Variants in MGAM2 observed in about 807,000 individuals in gnomAD.
MGAM2 encodes probable maltase-glucoamylase 2.
MGAM2 carries 98 observed loss-of-function variants against 96.1 expected under a neutral mutation model. The ratio of observed to expected loss-of-function variants is 1.02; its 90% confidence interval spans 0.87 to 1.21. The LOEUF is 1.21. MGAM2 is among the 50% of genes most tolerant of loss of function. MGAM2 has a pLI of 0.00. For missense variants in MGAM2, 2,055 were observed against 1,182.4 expected (o/e 1.74, Z -10.82); for synonymous variants, 749 against 414.8 (o/e 1.81, Z -9.79).
chr7:142,119,676 A>C (rs1794499863), intron 2 of MGAM2, among the ~76,000 whole-genome samples: 1 of 152,210 alleles, frequency 6.6e-6, no homozygotes, highest in South Asian at 2.1e-4. Context: ...TGAATAGATA[A>C]ACAAAATGTG....
intron 27 of MGAM2, chr7:142,171,068 A>G (rs1270961643): frequency 8.3e-6 from 5 of 602,428 alleles, no homozygotes; most frequent in Non-Finnish European, 1.5e-5. Context: ...TCAGTCTGAC[A>G]AACCACAGAA....
Position 142,113,423 on chromosome 7 carries a change from T to C in MGAM2, c.-1+1616T>C, listed in dbSNP as rs1335025302. 2.6e-5 allele frequency among the ~76,000 whole-genome samples: 4 copies of C among 152,258 alleles called. No homozygotes were observed. The East Asian group carries it at 7.7e-4, about 29-fold the overall frequency. On this transcript the variant is annotated intron_variant, in intron 1 of 47. Transcript: ENST00000477922. ...ATCCAAATGACCCTGTTTGTGCTGGTCACTTGGGTAATGACCCAAAGATAC... is the reference window on the plus strand; with the variant it reads ...ATCCAAATGACCCTGTTTGTGCTGGCCACTTGGGTAATGACCCAAAGATAC...
intron 33 of MGAM2, among the ~76,000 whole-genome samples, chr7:142,184,243 G>C (rs1000619046): frequency 6.6e-5 from 10 of 152,056 alleles, no homozygotes; most frequent in Non-Finnish European, 1.5e-4. Context: ...AAAGCGCTGG[G>C]ATTACAGGCG....
In MGAM2 at chr7:142,141,003, A is replaced by G. The variant is rs79122843; in HGVS notation, c.1219-18A>G. On this transcript the variant is annotated intron_variant, in intron 11 of 47. Transcript: ENST00000477922. ...AAAAATTTATGAAAATAATATTTAT[A>G]TCGTATTTCTTTATTAGAATCCTGG... The G allele has an allele frequency of 0.012, 8,053 of 693,504 alleles. 453 individuals are homozygous for G. In the African/African-American group the frequency reaches 0.13, roughly 11 times the overall value. 43.0% of individuals were successfully genotyped at this position (693,504 alleles called of 1,614,324 possible).
intron 26 of MGAM2, among the ~76,000 whole-genome samples, chr7:142,169,365 T>C (rs879898861): frequency 2.0e-5 from 3 of 151,858 alleles, no homozygotes; most frequent in Non-Finnish European, 4.4e-5. Flanking sequence ...GAGATCGCAG[T>C]AAGCCGAGAT....
chr7:142,137,685 T>G (rs1795099731), intron 9 of MGAM2, 140 bp downstream of exon 9: 1 of 449,708 alleles, frequency 2.2e-6, no homozygotes, highest in Non-Finnish European at 3.9e-6. Flanking sequence ...CATCTATTGT[T>G]TATTTATTTT....
chr7:142,126,427 A>G, intron 3 of MGAM2, among the ~76,000 whole-genome samples: 1 of 151,616 alleles, frequency 6.6e-6, no homozygotes, highest in East Asian at 1.9e-4. Flanking sequence ...CTTTTTCTAT[A>G]TTCTGAAAAT....
In MGAM2 at chr7:142,156,824, GGATGACAAGTCAAAA is replaced by G. The variant is rs987574597; in HGVS notation, c.1924-1106_1924-1092del. 7.0e-4 allele frequency among the ~76,000 whole-genome samples: 106 copies of G among 152,148 alleles called. 2 individuals carry two copies. The highest frequency in any genetic ancestry group is 1.2e-4 in the Non-Finnish European group (8 of 68,026). ...AACTCAGTCTCAGTAACGCAGTATAGGATGACAAGTCAAAAGATGACGTGTATGTCTTTCACATCT... is the reference window on the plus strand; with the variant it reads ...AACTCAGTCTCAGTAACGCAGTATAGGATGACGTGTATGTCTTTCACATCT... On this transcript the variant is annotated intron_variant, in intron 17 of 47. Transcript: ENST00000477922.
intron 1 of MGAM2, among the ~76,000 whole-genome samples, chr7:142,114,025 C>T (rs977054166): frequency 5.3e-5 from 8 of 151,272 alleles, no homozygotes; most frequent in African/African-American, 1.5e-4. Flanking sequence ...TAGCTACTCG[C>T]GGGGCTGAGG....
At chr7:142,118,163 C>T (rs547845744) in intron 2 of MGAM2, among the ~76,000 whole-genome samples, 15 of 151,596 alleles carry the variant, frequency 9.9e-5, no homozygotes, top group African/African-American at 1.7e-4. Flanking sequence ...TTAGCAACTC[C>T]GCACTCCCTC....
rs552322145 is a variant in MGAM2 at position 142,138,618 on chromosome 7, A to G, written c.1037A>G (p.Asn346Ser). Residue 346 changes from asparagine (N) to serine (S), a missense_variant, in exon 10 of 48, where the codon AAT (asparagine) becomes AGT (serine). By Grantham distance (46) the Asn-to-Ser change is conservative (BLOSUM62 1). Coordinates refer to ENST00000477922, the MANE Select transcript of MGAM2 (RefSeq NM_001293626.2). ...QLSRRDYGGINKLKEVVSRNR... is the reference protein window; with the variant it reads ...QLSRRDYGGISKLKEVVSRNR... ...AGTCGCAGGGACTATGGTGGCATCA[A>G]TAAATTGAAAGAAGTTGTAAGCCGA... The G allele has an allele frequency of 1.4e-6, 1 of 703,040 alleles. No individual in the cohort carries two copies. The highest frequency in any genetic ancestry group is 2.6e-6 in the Non-Finnish European group (1 of 384,956). The allele number at this position is 703,040 out of a possible 1,614,324, so 43.6% of individuals were successfully genotyped here. A position where few individuals can be genotyped will look rare whatever the true frequency, so the allele number is the denominator to read the frequency against.
rs1446765811 is a variant in MGAM2 at position 142,222,282 on chromosome 7, G to T, written c.*223G>T. 5.4e-6 allele frequency: 2 copies of T among 370,820 alleles called. No individual in the cohort carries two copies. Among genetic ancestry groups the T allele is most frequent in the Non-Finnish European group, 9.6e-6 (2 of 208,260 alleles). 23.0% of individuals were successfully genotyped at this position (370,820 alleles called of 1,614,324 possible). On this transcript the variant is annotated 3_prime_UTR_variant, in exon 48 of 48. Transcript: ENST00000477922. ...TATAGGTTTCACCAAAGAAGCTGTG[G>T]GTACTTATTTTGCAACCATAGTATG...
In MGAM2 at chr7:142,159,310, C is replaced by T. The variant is rs1316635008; in HGVS notation, c.2187C>T (p.Tyr729=). ...AGGGTGTGGACGAAGTGAAAGCATACATACCTGATGCCACCTGGTATGACT... is the reference window on the plus strand; with the variant it reads ...AGGGTGTGGACGAAGTGAAAGCATATATACCTGATGCCACCTGGTATGACT... ...LYEGVDEVKA[Y]IPDATWYDYE... is the part of the protein sequence containing the mutation. The change falls in exon 20 of 48, where the codon TAC becomes TAT. Residue 729 remains tyrosine (Y), a synonymous_variant. Transcript: ENST00000477922. 5.7e-6 allele frequency: 4 copies of T among 702,580 alleles called. No homozygotes were observed. The highest frequency in any genetic ancestry group is 1.0e-5 in the Non-Finnish European group (4 of 384,698). The allele number at this position is 702,580 out of a possible 1,614,324, so 43.5% of individuals were successfully genotyped here.
chr7:142,208,351 C>T (rs1202799918), intron 45 of MGAM2: 6 of 643,446 alleles, frequency 9.3e-6, no homozygotes, highest in Non-Finnish European at 1.7e-5. Flanking sequence ...CATTTGTAAC[C>T]TTCTGACCTC....
chr7:142,203,751 ACT>A (rs1797311934), intron 45 of MGAM2, among the ~76,000 whole-genome samples: 1 of 151,946 alleles, frequency 6.6e-6, no homozygotes, highest in African/African-American at 2.4e-5. Context: ...GTAGGGAAAG[ACT>A]CTATTCAATA....
chr7:142,211,844 C>T (rs1797594311), intron 46 of MGAM2, among the ~76,000 whole-genome samples: 1 of 152,064 alleles, frequency 6.6e-6, no homozygotes, highest in Admixed American at 6.6e-5. Context: ...CAGAGAACAC[C>T]ACAAAAATAT....
At chr7:142,171,175 T>A in intron 27 of MGAM2, 97 bp from the exon 28 acceptor site, 1 of 696,804 alleles carries the variant, frequency 1.4e-6, no homozygotes, top group Non-Finnish European at 2.6e-6. Context: ...TGTGCAATAA[T>A]TAAGGAGGCT....
At chr7:142,160,837 G>T (rs1795866619) in intron 21 of MGAM2, among the ~76,000 whole-genome samples, 1 of 152,072 alleles carries the variant, frequency 6.6e-6, no homozygotes, top group Admixed American at 6.6e-5. Context: ...TTAGAAGAGT[G>T]CCTGGCACAT....
chr7:142,135,387 T>G (rs1795028571), intron 7 of MGAM2, among the ~76,000 whole-genome samples: 1 of 152,224 alleles, frequency 6.6e-6, no homozygotes, highest in South Asian at 2.1e-4. Flanking sequence ...ACAAATTAGA[T>G]GTAATGCCTT....
Sources: allele counts gnomAD v4.1 joint callset (sites outside exome capture counted in the v4.1 genomes callset), GRCh38; gene constraint gnomAD v4.1.1; transcripts MANE v1.5; gene names NCBI Gene and HGNC (gene_info 2026-07-23, HGNC 2026-07-21).